TLK2: variants seen among roughly 807,000 people sequenced by gnomAD.
The protein encoded by TLK2 is tousled like kinase 2.
TLK2 carries 6 observed loss-of-function variants against 117.3 expected under a neutral mutation model. That is an observed-to-expected ratio of 0.05 (90% CI 0.03 to 0.10). The LOEUF (loss-of-function observed/expected upper bound fraction) is 0.10. Among genes scored for constraint, TLK2 ranks in the 10% least tolerant of loss-of-function variants. The probability of loss-of-function intolerance (pLI) is 1.00; values close to 1 mark genes in which losing one functional copy is unlikely to be tolerated. For missense variants in TLK2, 299 were observed against 901.2 expected (o/e 0.33, Z 8.56); for synonymous variants, 257 against 316.7 (o/e 0.81, Z 2.00).
chr17:62,515,782 C>T (rs2075532476), intron 2 of TLK2, among the ~76,000 whole-genome samples: 1 of 152,078 alleles, frequency 6.6e-6, no homozygotes, highest in African/African-American at 2.4e-5. Flanking sequence ...CATGGGTTTC[C>T]TTTTTATTCT....
chr17:62,545,359 A>G (rs941022313), intron 7 of TLK2, among the ~76,000 whole-genome samples: 3 of 152,236 alleles, frequency 2.0e-5, no homozygotes, highest in Non-Finnish European at 1.5e-5. Flanking sequence ...GTGTGTAAAC[A>G]TATTAGCTAA....
At chr17:62,472,611 G>A (rs1464912190) in intron 1 of TLK2, among the ~76,000 whole-genome samples, 1 of 152,034 alleles carries the variant, frequency 6.6e-6, no homozygotes, top group Non-Finnish European at 1.5e-5. Flanking sequence ...GGTGGCACGC[G>A]TCTGTAATCC....
chr17:62,494,185 C>T (rs529990880), intron 2 of TLK2, among the ~76,000 whole-genome samples: 5 of 152,100 alleles, frequency 3.3e-5, no homozygotes, highest in South Asian at 2.1e-4. Context: ...TGGGTTCAAG[C>T]GATTCTTCTG....
chr17:62,521,010 A>C (rs1329433750), intron 3 of TLK2, among the ~76,000 whole-genome samples, 166 bp downstream of exon 3: 1 of 152,056 alleles, frequency 6.6e-6, no homozygotes, highest in Non-Finnish European at 1.5e-5. Context: ...TCGTTTCTAC[A>C]AAAAAACTTA....
chr17:62,599,927 A>G (rs1348609067), intron 17 of TLK2, among the ~76,000 whole-genome samples: 1 of 152,238 alleles, frequency 6.6e-6, no homozygotes, highest in Non-Finnish European at 1.5e-5. Context: ...CCAATGGCAT[A>G]TGGTTTTATG....
rs747767044 is a variant in TLK2 at position 62,612,409 on chromosome 17, C to T, written c.2097C>T (p.Cys699=). The T allele has an allele frequency of 2.0e-5, 32 of 1,613,574 alleles. 1 individual carries two copies. Among genetic ancestry groups the T allele is most frequent in the South Asian group, 1.2e-4 (11 of 91,020 alleles). Reference sequence around the variant, plus strand: ...CTTTGCAGGCGTTTATTCGACGATGCTTGGCCTACCGAAAGGAGGACCGCA... The same window carrying T: ...CTTTGCAGGCGTTTATTCGACGATGTTTGGCCTACCGAAAGGAGGACCGCA... ...TPEAKAFIRR[C]LAYRKEDRID... The change falls in exon 22 of 22, where the codon TGC becomes TGT. Residue 699 remains cysteine (C), a synonymous_variant. Transcript: ENST00000346027.
chr17:62,475,468 G>A (rs749461323), upstream of TLK2, among the ~76,000 whole-genome samples: 1 of 151,886 alleles, frequency 6.6e-6, no homozygotes, highest in Non-Finnish European at 1.5e-5. Flanking sequence ...TCAGTCTCCC[G>A]ACTAGCTGGG....
intron 2 of TLK2, among the ~76,000 whole-genome samples, chr17:62,518,343 T>G (rs1327009604): frequency 6.6e-6 from 1 of 152,220 alleles, no homozygotes; most frequent in African/African-American, 2.4e-5. Context: ...GTATAAATTA[T>G]AGAAAGGAAG....
intron 7 of TLK2, among the ~76,000 whole-genome samples, chr17:62,539,964 C>G (rs1248329297): frequency 2.0e-5 from 3 of 152,144 alleles, no homozygotes; most frequent in Admixed American, 6.6e-5. Context: ...TCAAATGTAA[C>G]ATGTTCAAAA....
intron 7 of TLK2, among the ~76,000 whole-genome samples, chr17:62,541,814 C>A (rs1284248845): frequency 1.3e-5 from 2 of 151,544 alleles, no homozygotes; most frequent in Non-Finnish European, 2.9e-5. Flanking sequence ...TGCACTCCAG[C>A]CTGGGTGACA....
At position 62,492,615 on chromosome 17, in the gene TLK2, G is replaced by A. The variant is rs561244644; in HGVS notation, c.81+11409G>A. 3.3e-5 allele frequency among the ~76,000 whole-genome samples: 5 copies of A among 151,966 alleles called. No homozygotes were observed. The East Asian group carries it at 7.8e-4, about 24-fold the overall frequency. On this transcript the variant is annotated intron_variant, in intron 2 of 21. Coordinates refer to ENST00000346027, the MANE Select transcript of TLK2 (RefSeq NM_006852.6). ...TGGGATTACAGGGACCTGCCACCTC[G>A]CCGGGCTAATTTTTGTACTTTAGTA... is the stretch of plus-strand genomic sequence containing the variant.
At position 62,548,240 on chromosome 17, in the gene TLK2, A is replaced by ATATGTGTGTGTGTG. The variant is rs368516607; in HGVS notation, c.532-4061_532-4060insATGTGTGTGTGTGT. On this transcript the variant is annotated intron_variant, in intron 7 of 21. Coordinates refer to ENST00000346027, the MANE Select transcript of TLK2 (RefSeq NM_006852.6). ...TTATCATTGGGCCATATATATATAT[A>ATATGTGTGTGTGTG]TGTGTGTGTGTGTGTGTGTGTGTGT... Among the ~76,000 whole-genome samples, 20 of 121,294 alleles carry ATATGTGTGTGTGTG rather than the reference A, an allele frequency of 1.6e-4. No individual in the cohort carries two copies. In the East Asian group the frequency reaches 3.5e-3, roughly 21 times the overall value. The allele number at this position is 121,294 out of a possible 152,430, so 79.6% of individuals were successfully genotyped here. A position where few individuals can be genotyped will look rare whatever the true frequency, so the allele number is the denominator to read the frequency against.
upstream of TLK2, among the ~76,000 whole-genome samples, chr17:62,478,755 C>CT (rs1470331517): frequency 6.2e-5 from 1 of 16,162 alleles, no homozygotes; most frequent in Non-Finnish European, 1.6e-3. Flanking sequence ...CCCCCAGGAC[C>CT]CCCCCCGCCT....
At chr17:62,482,680 G>C (rs1162339616) in intron 2 of TLK2, among the ~76,000 whole-genome samples, 2 of 152,080 alleles carry the variant, frequency 1.3e-5, no homozygotes, top group African/African-American at 4.8e-5. Flanking sequence ...TCGAACTCCT[G>C]ACCTCCAGTG....
In TLK2 at chr17:62,612,701, C is replaced by T. The variant is rs1445410026; in HGVS notation, c.*136C>T. ...GGTGCTTTTATTTTCTTGCTTTTTT[C>T]CCATCCATAGAGCATGACAGCATCG... On this transcript the variant is annotated 3_prime_UTR_variant, in exon 22 of 22. Transcript: ENST00000346027. 5.3e-6 allele frequency: 5 copies of T among 937,872 alleles called. No homozygotes were observed. In the Admixed American group the frequency reaches 1.3e-4, roughly 24 times the overall value. The allele number at this position is 937,872 out of a possible 1,614,324, so 58.1% of individuals were successfully genotyped here.
At chr17:62,498,132 G>A (rs1184836653) in intron 2 of TLK2, among the ~76,000 whole-genome samples, 3 of 152,170 alleles carry the variant, frequency 2.0e-5, no homozygotes. Flanking sequence ...AATTCTGTGT[G>A]TGTAAAATAG....
intron 2 of TLK2, among the ~76,000 whole-genome samples, chr17:62,490,645 G>A (rs917792458): frequency 6.6e-6 from 1 of 152,080 alleles, no homozygotes; most frequent in Non-Finnish European, 1.5e-5. Context: ...GGGTTCAAGC[G>A]ATTCTCCTGC....
intron 9 of TLK2, among the ~76,000 whole-genome samples, chr17:62,558,677 G>T (rs1417281341): frequency 2.0e-5 from 3 of 152,140 alleles, no homozygotes; most frequent in Non-Finnish European, 4.4e-5. Context: ...TATGAATTTG[G>T]TAATCACACT....
At chr17:62,475,453 C>T (rs1013558371), upstream of TLK2, among the ~76,000 whole-genome samples, 1 of 152,168 alleles carries the variant, frequency 6.6e-6, no homozygotes, top group Non-Finnish European at 1.5e-5. Context: ...AGCGATTCTC[C>T]TGCCTCAGTC....
Sources: allele counts gnomAD v4.1 joint callset (sites outside exome capture counted in the v4.1 genomes callset), GRCh38; gene constraint gnomAD v4.1.1; transcripts MANE v1.5; gene names NCBI Gene and HGNC (gene_info 2026-07-23, HGNC 2026-07-21).